VWC2: variants seen among roughly 807,000 people sequenced by gnomAD.
VWC2 encodes von Willebrand factor C domain containing 2.
A neutral mutation model predicts 29.8 loss-of-function variants in VWC2; 14 were observed. The ratio of observed to expected loss-of-function variants is 0.47; its 90% CI spans 0.31 to 0.74. The LOEUF is 0.74. VWC2 is among the 30% of genes least tolerant of loss of function. The probability of loss-of-function intolerance (pLI) is 0.05; values close to 1 mark genes in which losing one functional copy is unlikely to be tolerated. For synonymous variants in VWC2, 213 were observed against 199.0 expected (o/e 1.07, Z -0.59); for missense variants, 457 against 459.8 (o/e 0.99, Z 0.05).
intron 3 of VWC2, among the ~76,000 whole-genome samples, chr7:49,841,872 CT>C (rs913175318): frequency 6.5e-4 from 96 of 146,632 alleles, no homozygotes; most frequent in South Asian, 2.8e-3. Context: ...AAATTCAACT[CT>C]TTTTTTTTTT....
chr7:49,858,393 A>G (rs1010262256), intron 3 of VWC2, among the ~76,000 whole-genome samples: 3 of 152,156 alleles, frequency 2.0e-5, no homozygotes, highest in Non-Finnish European at 4.4e-5. Flanking sequence ...GGATGAGTTC[A>G]TGTCCTTTGT....
chr7:49,866,255 T>G (rs1333723436), intron 3 of VWC2, among the ~76,000 whole-genome samples: 2 of 152,232 alleles, frequency 1.3e-5, no homozygotes, highest in Non-Finnish European at 2.9e-5. Flanking sequence ...TATGCTTTTT[T>G]CAAGATCCTC....
chr7:49,874,570 GTA>G (rs1031243094), intron 3 of VWC2, among the ~76,000 whole-genome samples: 19 of 144,112 alleles, frequency 1.3e-4, no homozygotes, highest in African/African-American at 3.8e-4. Context: ...GTGTGTGTGT[GTA>G]TGTATATATA....
intron 2 of VWC2, among the ~76,000 whole-genome samples, chr7:49,798,615 G>T (rs1422027366): frequency 6.6e-6 from 1 of 152,160 alleles, no homozygotes; most frequent in Non-Finnish European, 1.5e-5. Flanking sequence ...AGGGTCCTTA[G>T]GCAGTGTAGG....
At chr7:49,806,105 C>A (rs1236884315) in intron 3 of VWC2, among the ~76,000 whole-genome samples, 3 of 151,384 alleles carry the variant, frequency 2.0e-5, no homozygotes, top group African/African-American at 2.4e-5. Context: ...TCCACCCCCC[C>A]ACAATGATAC....
At chr7:49,873,401 C>T (rs62456376) in intron 3 of VWC2, among the ~76,000 whole-genome samples, 1 of 152,094 alleles carries the variant, frequency 6.6e-6, no homozygotes, top group South Asian at 2.1e-4. Flanking sequence ...GGCACTAATC[C>T]CACCATGAGT....
chr7:49,846,625 T>G (rs1017659481), intron 3 of VWC2, among the ~76,000 whole-genome samples: 3 of 152,194 alleles, frequency 2.0e-5, no homozygotes, highest in African/African-American at 7.2e-5. Flanking sequence ...GTTATTATTA[T>G]TGCCATACTT....
At position 49,819,103 on chromosome 7, in the gene VWC2, T is replaced by C. The variant is rs193073251; in HGVS notation, c.826+16263T>C. 6.6e-5 allele frequency among the ~76,000 whole-genome samples: 10 copies of C among 152,336 alleles called. No homozygotes were observed. The East Asian group carries it at 1.9e-3, about 29-fold the overall frequency. On this transcript the variant is annotated intron_variant, in intron 3 of 3. Coordinates refer to ENST00000340652, the MANE Select transcript of VWC2 (RefSeq NM_198570.5). ...CCTTGGCATCCAACAGCTTCCTCGC[T>C]GGTCTGCAGTTCCCTCTGCCATGGC...
chr7:49,808,358 A>G (rs1002592419), intron 3 of VWC2, among the ~76,000 whole-genome samples: 1 of 152,136 alleles, frequency 6.6e-6, no homozygotes, highest in Non-Finnish European at 1.5e-5. Flanking sequence ...CATGTACTTA[A>G]CAACAGAGCC....
At chr7:49,798,254 G>A (rs931262) in intron 2 of VWC2, among the ~76,000 whole-genome samples, 57,576 of 152,100 alleles carry the variant, frequency 0.38, 12,991 homozygotes, top group Non-Finnish European at 0.51. Context: ...CCAGGTCAAG[G>A]GACAGGCAAA....
chr7:49,833,947 G>A (rs776967126), intron 3 of VWC2, among the ~76,000 whole-genome samples: 14 of 152,164 alleles, frequency 9.2e-5, no homozygotes, highest in Non-Finnish European at 1.3e-4. Flanking sequence ...GGAACTAAAA[G>A]CAACCAAAGC....
At chr7:49,901,642 C>A (rs956290583) in intron 3 of VWC2, among the ~76,000 whole-genome samples, 1 of 151,846 alleles carries the variant, frequency 6.6e-6, no homozygotes, top group African/African-American at 2.4e-5. Flanking sequence ...AGATTCAACA[C>A]AATCCCAAAC....
At chr7:49,911,691 G>C (rs1793443035) in intron 3 of VWC2, among the ~76,000 whole-genome samples, 1 of 151,828 alleles carries the variant, frequency 6.6e-6, no homozygotes, top group African/African-American at 2.4e-5. Flanking sequence ...GAAGTCAGGA[G>C]TTCAAGACCA....
intron 3 of VWC2, among the ~76,000 whole-genome samples, chr7:49,804,063 A>G (rs564077234): frequency 6.6e-5 from 10 of 152,190 alleles, no homozygotes; most frequent in South Asian, 4.1e-4. Context: ...AGTGTACTTT[A>G]TATAGGGTTG....
At chr7:49,857,009 C>CAAAAAA (rs59910243) in intron 3 of VWC2, among the ~76,000 whole-genome samples, 8 of 52,764 alleles carry the variant, frequency 1.5e-4, no homozygotes, top group Non-Finnish European at 2.2e-4. Context: ...GATACTGTCT[C>CAAAAAA]AAAAAAAAAA....
chr7:49,917,470 T>C lies in VWC2; in HGVS notation c.*5285T>C, dbSNP rs574641611. 2 of 152,312 alleles carry C rather than the reference T, an allele frequency of 1.3e-5. No individual in the cohort carries two copies. The highest frequency in any genetic ancestry group is 4.1e-4 in the South Asian group (2 of 4,832). 9.4% of individuals were successfully genotyped at this position (152,312 alleles called of 1,614,324 possible). The stretch of plus-strand genomic sequence containing the variant: ...AGCAGTTTATGATTTAAGACGTGCA[T>C]ACTGTTTAACTCTTTCCTTTAAAGT... On this transcript the variant is annotated 3_prime_UTR_variant, in exon 4 of 4. Transcript: ENST00000340652.
intron 3 of VWC2, among the ~76,000 whole-genome samples, chr7:49,878,227 T>C (rs771334058): frequency 6.6e-6 from 1 of 152,164 alleles, no homozygotes; most frequent in Non-Finnish European, 1.5e-5. Context: ...GTTCCTTGTA[T>C]TTTAAACACA....
At chr7:49,905,172 T>A (rs1308812870) in intron 3 of VWC2, among the ~76,000 whole-genome samples, 1 of 152,228 alleles carries the variant, frequency 6.6e-6, no homozygotes, top group Non-Finnish European at 1.5e-5. Context: ...TGACCTTCCA[T>A]CACCTCAACT....
chr7:49,846,135 A>C (rs1437834711), intron 3 of VWC2, among the ~76,000 whole-genome samples: 1 of 152,204 alleles, frequency 6.6e-6, no homozygotes, highest in Non-Finnish European at 1.5e-5. Context: ...CCAAGGATCT[A>C]AGCAAGTCAA....
Sources: allele counts gnomAD v4.1 joint callset (sites outside exome capture counted in the v4.1 genomes callset), GRCh38; gene constraint gnomAD v4.1.1; transcripts MANE v1.5; gene names NCBI Gene and HGNC (gene_info 2026-07-23, HGNC 2026-07-21).